The following DNM3 variants were observed in gnomAD, a reference collection of about 807,000 sequenced individuals.
DNM3 encodes dynamin 3.
In DNM3, 47 loss-of-function variants were observed where a neutral mutation model predicts 101.6. The ratio of observed to expected loss-of-function variants is 0.46; its 90% CI spans 0.37 to 0.59. The LOEUF (loss-of-function observed/expected upper bound fraction) is 0.59. Ranked by LOEUF, DNM3 falls within the 20% of genes least tolerant of loss-of-function variation. The pLI is 0.00. For missense variants in DNM3, 849 were observed against 1,085.7 expected, an observed-to-expected ratio of 0.78 and a Z score of 3.06; for synonymous variants, 385 against 387.9, an observed-to-expected ratio of 0.99 and a Z score of 0.09.
intron 15 of DNM3, among the ~76,000 whole-genome samples, chr1:172,262,325 C>A (rs1027093066): frequency 6.6e-6 from 1 of 152,140 alleles, no homozygotes; most frequent in African/African-American, 2.4e-5. Context: ...GTGGCTCCTG[C>A]CTTAGCCCTG....
intron 17 of DNM3, among the ~76,000 whole-genome samples, chr1:172,372,870 G>C (rs2068417328): frequency 6.6e-6 from 1 of 151,422 alleles, no homozygotes; most frequent in Admixed American, 6.6e-5. Flanking sequence ...TTTTTGTAGA[G>C]ACCAGGTTTC....
At chr1:172,367,158 C>G (rs1399382486) in intron 17 of DNM3, among the ~76,000 whole-genome samples, 4 of 151,544 alleles carry the variant, frequency 2.6e-5, no homozygotes, top group Non-Finnish European at 5.9e-5. Context: ...TTAGATTTCT[C>G]AGTAGACACC....
At chr1:172,349,242 C>T (rs769243617) in intron 17 of DNM3, among the ~76,000 whole-genome samples, 4 of 152,146 alleles carry the variant, frequency 2.6e-5, no homozygotes, top group African/African-American at 7.2e-5. Context: ...TACACTTACT[C>T]GAAAAATTAC....
chr1:172,233,425 G>T (rs2061415862), intron 14 of DNM3, among the ~76,000 whole-genome samples: 1 of 152,120 alleles, frequency 6.6e-6, no homozygotes. Context: ...AAAAGTCCAG[G>T]ACCAGACAGA....
intron 16 of DNM3, 70 bp downstream of exon 16, chr1:172,308,909 C>A: frequency 1.2e-6 from 1 of 856,098 alleles, no homozygotes; most frequent in East Asian, 3.0e-5. Context: ...ATCCTACATA[C>A]CATAAGCTGG....
chr1:171,859,392 T>C (rs1489686176), intron 1 of DNM3, among the ~76,000 whole-genome samples: 1 of 152,206 alleles, frequency 6.6e-6, no homozygotes, highest in Non-Finnish European at 1.5e-5. Context: ...TAAATTATCT[T>C]ATTTGCTTCT....
At chr1:172,301,435 G>T (rs182814344) in intron 15 of DNM3, among the ~76,000 whole-genome samples, 1 of 152,272 alleles carries the variant, frequency 6.6e-6, no homozygotes, top group African/African-American at 2.4e-5. Context: ...CCAGGAGTTT[G>T]AGGCTACAGT....
At chr1:171,979,317 T>A (rs1299490879) in intron 2 of DNM3, among the ~76,000 whole-genome samples, 1 of 152,172 alleles carries the variant, frequency 6.6e-6, no homozygotes, top group African/African-American at 2.4e-5. Flanking sequence ...TATAAAAAAA[T>A]TTTGTGGGTA....
intron 14 of DNM3, among the ~76,000 whole-genome samples, chr1:172,224,799 T>A (rs902473833): frequency 2.6e-5 from 4 of 152,198 alleles, no homozygotes; most frequent in African/African-American, 9.6e-5. Flanking sequence ...TGAAATCCCA[T>A]TGTATAAAAT....
At chr1:172,182,172 A>G (rs2059373305) in intron 14 of DNM3, among the ~76,000 whole-genome samples, 1 of 151,412 alleles carries the variant, frequency 6.6e-6, no homozygotes, top group African/African-American at 2.4e-5. Flanking sequence ...AAATGTGACA[A>G]CATTTTATAG....
Position 172,407,769 on chromosome 1 carries a change from T to C in DNM3, c.2523-3T>C, listed in dbSNP as rs1157395099. The C allele has an allele frequency of 1.2e-6, 2 of 1,612,894 alleles. No homozygotes were observed. Among genetic ancestry groups the C allele is most frequent in the African/African-American group, 2.7e-5 (2 of 74,860 alleles). ...CTTTACCTTTCTCTTTTTCTCTTTC[T>C]AGCCGGAGACCACCCCCATCACCAA... On this transcript the variant is annotated splice_polypyrimidine_tract_variant and splice_region_variant and intron_variant, in intron 20 of 20. Transcript: ENST00000627582.
exon 21 of DNM3, chr1:172,418,326 A>T: frequency 7.8e-7 from 1 of 1,288,474 alleles, no homozygotes; most frequent in Non-Finnish European, 1.0e-6. Flanking sequence ...AACCCCCATC[A>T]TTCATCTCCT....
intron 2 of DNM3, among the ~76,000 whole-genome samples, chr1:171,971,347 C>G (rs987911571): frequency 6.6e-6 from 1 of 152,056 alleles, no homozygotes; most frequent in African/African-American, 2.4e-5. Flanking sequence ...ACAGATCACT[C>G]TACCCTAAAA....
chr1:172,227,302 A>ATATATATATATATATC (rs1557846135), intron 14 of DNM3, among the ~76,000 whole-genome samples: 2 of 127,574 alleles, frequency 1.6e-5, no homozygotes, highest in African/African-American at 5.7e-5. Context: ...ATATATATAT[A>ATATATATATATATATC]TATCACATTT....
At chr1:172,256,620 C>T (rs776804838) in intron 15 of DNM3, among the ~76,000 whole-genome samples, 5 of 151,770 alleles carry the variant, frequency 3.3e-5, no homozygotes, top group Admixed American at 1.3e-4. Flanking sequence ...TTTCAGAGAA[C>T]CAGTTTGTGG....
Position 171,841,673 on chromosome 1 carries a change from T to A in DNM3, c.17T>A (p.Met6Lys), listed in dbSNP as rs2031205475. The A allele has an allele frequency of 6.2e-7, 1 of 1,611,158 alleles. No homozygotes were observed. The highest frequency in any genetic ancestry group is 1.1e-5 in the South Asian group (1 of 90,442). MGNRE[M>K]EELIPLVNRL... ...TCGGGCAAGATGGGGAACCGGGAGATGGAGGAGCTGATCCCGCTGGTGAAC... is the reference window on the plus strand; with the variant it reads ...TCGGGCAAGATGGGGAACCGGGAGAAGGAGGAGCTGATCCCGCTGGTGAAC... The change falls in exon 1 of 21, where the codon ATG (methionine) becomes AAG (lysine). Residue 6 changes from methionine to lysine, a missense_variant. Around this residue, in one of 5 missense-constraint regions of DNM3, gnomAD observed 388 missense variants for 483.0 expected, o/e 0.80. Coordinates refer to ENST00000627582, the MANE Select transcript of DNM3 (RefSeq NM_015569.5).
At chr1:172,169,663 A>T (rs1174009073) in intron 14 of DNM3, among the ~76,000 whole-genome samples, 1 of 151,948 alleles carries the variant, frequency 6.6e-6, no homozygotes, top group Non-Finnish European at 1.5e-5. Flanking sequence ...TAATAACCAG[A>T]AAGATCTAGG....
intron 1 of DNM3, among the ~76,000 whole-genome samples, chr1:171,912,832 T>C (rs1022708184): frequency 6.6e-6 from 1 of 152,168 alleles, no homozygotes. Context: ...AAAGGGAAAA[T>C]AGATATTAGG....
chr1:172,114,148 G>T (rs2055716415), intron 13 of DNM3, among the ~76,000 whole-genome samples: 1 of 152,204 alleles, frequency 6.6e-6, no homozygotes, highest in African/African-American at 2.4e-5. Context: ...GAAAAGTGAA[G>T]ATGGAGGGGC....
Sources: gnomAD v4.1 joint callset for allele counts (sites outside exome capture counted in the v4.1 genomes callset) on GRCh38, gnomAD v4.1.1 for gene constraint, gnomAD v4.1.1 regional missense constraint, MANE v1.5 for transcripts, NCBI Gene and HGNC (gene_info 2026-07-23, HGNC 2026-07-21) for gene names.